Variants in GUCY2C observed in about 807,000 individuals in gnomAD.
GUCY2C encodes the protein guanylate cyclase 2C, also known as guanylyl cyclase C.
GUCY2C carries 118 observed loss-of-function variants against 131.1 expected under a neutral mutation model. That is an observed-to-expected ratio of 0.90 (90% CI 0.78 to 1.05). GUCY2C has a LOEUF of 1.05. Ranked by LOEUF, GUCY2C falls within the 50% of genes least tolerant of loss-of-function variation. The pLI, the probability that GUCY2C is intolerant of heterozygous loss-of-function variation, is 0.00. For missense variants in GUCY2C, 1,161 were observed against 1,304.4 expected (o/e 0.89, Z 1.69); for synonymous variants, 452 against 457.8 (o/e 0.99, Z 0.16).
intron 19 of GUCY2C, among the ~76,000 whole-genome samples, chr12:14,638,209 A>G (rs1947313911): frequency 6.6e-6 from 1 of 152,212 alleles, no homozygotes; most frequent in East Asian, 1.9e-4. Context: ...TAAAAAGCCA[A>G]ATAATAACAG....
At chr12:14,620,850 G>A (rs1946881352) in intron 23 of GUCY2C, among the ~76,000 whole-genome samples, 192 bp downstream of exon 23, 1 of 152,074 alleles carries the variant, frequency 6.6e-6, no homozygotes, top group African/African-American at 2.4e-5. Flanking sequence ...CAAAGGTCTT[G>A]TTCTTAGAGT....
intron 1 of GUCY2C, among the ~76,000 whole-genome samples, chr12:14,691,788 A>C (rs1312533097): frequency 1.3e-5 from 2 of 152,194 alleles, no homozygotes; most frequent in African/African-American, 4.8e-5. Flanking sequence ...GACCTCAGAC[A>C]AGTGACTTCC....
intron 19 of GUCY2C, among the ~76,000 whole-genome samples, chr12:14,637,914 G>C (rs1947307185): frequency 6.6e-6 from 1 of 152,102 alleles, no homozygotes; most frequent in African/African-American, 2.4e-5. Flanking sequence ...CACAGCAAGG[G>C]AAACAACAGA....
At chr12:14,640,041 C>G in intron 18 of GUCY2C, 91 bp from the exon 19 acceptor site, 3 of 848,270 alleles carry the variant, frequency 3.5e-6, no homozygotes, top group Non-Finnish European at 6.0e-6. Flanking sequence ...GATTCACTCC[C>G]CTGGATGGCT....
At chr12:14,691,618 G>A (rs890128961) in intron 1 of GUCY2C, among the ~76,000 whole-genome samples, 2 of 152,100 alleles carry the variant, frequency 1.3e-5, no homozygotes, top group African/African-American at 4.8e-5. Flanking sequence ...TTGACCTCCT[G>A]CCTCTATGAG....
At chr12:14,629,159 C>A (rs1037993317) in intron 19 of GUCY2C, among the ~76,000 whole-genome samples, 2 of 152,046 alleles carry the variant, frequency 1.3e-5, no homozygotes, top group Non-Finnish European at 1.5e-5. Flanking sequence ...TAACAAAAGC[C>A]CACCAAGAGT....
Position 14,687,964 on chromosome 12 carries a change from A to C in GUCY2C, c.317T>G (p.Leu106Arg). Residue 106 changes from leucine to arginine, a missense_variant, in exon 2 of 27, where the codon CTC (leucine) becomes CGC (arginine). By Grantham distance (102) the Leu-to-Arg change is moderately radical. Coordinates refer to ENST00000261170, the MANE Select transcript of GUCY2C (RefSeq NM_004963.4). The part of the protein sequence containing the change: ...RSSTCEGLDL[L>R]RKISNAQRMG... The stretch of plus-strand genomic sequence containing the variant: ...GCAAATACTTACTGAAATTTTCCTG[A>C]GTAGGTCGAGGCCTTCACAGGTGCT... 3 of 1,602,012 alleles carry C rather than the reference A, an allele frequency of 1.9e-6. No individual in the cohort carries two copies. Among genetic ancestry groups the C allele is most frequent in the Non-Finnish European group, 2.6e-6 (3 of 1,168,932 alleles).
intron 15 of GUCY2C, among the ~76,000 whole-genome samples, chr12:14,649,372 T>C (rs1947592714): frequency 6.6e-6 from 1 of 152,180 alleles, no homozygotes; most frequent in African/African-American, 2.4e-5. Context: ...AACGTTGAAG[T>C]TTAGTAACAG....
intron 23 of GUCY2C, 196 bp from the exon 24 acceptor site, chr12:14,619,505 G>A: frequency 2.0e-6 from 1 of 503,972 alleles, no homozygotes; most frequent in Non-Finnish European, 3.5e-6. Context: ...CAATGCATGC[G>A]ATCATAAAGT....
At chr12:14,664,742 G>A (rs1297858710) in intron 10 of GUCY2C, among the ~76,000 whole-genome samples, 2 of 151,952 alleles carry the variant, frequency 1.3e-5, no homozygotes, top group African/African-American at 4.8e-5. Context: ...GATTTAACAG[G>A]GGAAGAAACT....
intron 15 of GUCY2C, among the ~76,000 whole-genome samples, chr12:14,646,401 T>A (rs1451013873): frequency 6.6e-6 from 1 of 152,168 alleles, no homozygotes; most frequent in African/African-American, 2.4e-5. Context: ...CCAGGCCAAG[T>A]TGACAGAGGG....
intron 12 of GUCY2C, among the ~76,000 whole-genome samples, chr12:14,654,811 C>A (rs1947730431): frequency 6.6e-6 from 1 of 152,062 alleles, no homozygotes; most frequent in African/African-American, 2.4e-5. Context: ...CAGAGGTGCA[C>A]ACGCTCCTTC....
At position 14,613,290 on chromosome 12, in the gene GUCY2C, C is replaced by G. The variant is rs760187529; in HGVS notation, c.3049G>C (p.Glu1017Gln). 5 of 1,610,272 alleles carry G rather than the reference C, an allele frequency of 3.1e-6. No individual in the cohort carries two copies. In the African/African-American group the frequency reaches 6.7e-5, roughly 22 times the overall value. Residue 1017 changes from glutamate (E) to glutamine (Q), a missense_variant and splice_region_variant, in exon 27 of 27, where the codon GAG (glutamate) becomes CAG (glutamine). Coordinates refer to ENST00000261170, the MANE Select transcript of GUCY2C (RefSeq NM_004963.4). The surrounding 1 kb of genome is among the most constrained non-coding windows in gnomAD (Gnocchi z 4.9). ...KFNLPTPPTVENQQRLQAEFS... is the reference protein window; with the variant it reads ...KFNLPTPPTVQNQQRLQAEFS... ...TCTGCTTGCAAACGCTGTTGATTCTCCCTGGAAACAGAGTGGGAAGAGAAA... is the reference window on the plus strand; with the variant it reads ...TCTGCTTGCAAACGCTGTTGATTCTGCCTGGAAACAGAGTGGGAAGAGAAA...
intron 12 of GUCY2C, among the ~76,000 whole-genome samples, chr12:14,655,473 T>C (rs1947746593): frequency 6.6e-6 from 1 of 152,132 alleles, no homozygotes; most frequent in Admixed American, 6.5e-5. Context: ...ATGAGGGGAT[T>C]GGAGCCATTA....
At chr12:14,656,425 C>T (rs1206780487) in intron 12 of GUCY2C, 87 bp downstream of exon 12, 2 of 704,938 alleles carry the variant, frequency 2.8e-6, no homozygotes, top group East Asian at 5.0e-5. Context: ...ACTATCCCTA[C>T]TTGGCACATA....
At chr12:14,635,999 A>G (rs893275351) in intron 19 of GUCY2C, among the ~76,000 whole-genome samples, 4 of 152,196 alleles carry the variant, frequency 2.6e-5, no homozygotes, top group Non-Finnish European at 1.5e-5. Context: ...CCAGAACTGG[A>G]TGACTTTACT....
At chr12:14,688,771 G>A (rs1024218070) in intron 1 of GUCY2C, among the ~76,000 whole-genome samples, 3 of 152,226 alleles carry the variant, frequency 2.0e-5, no homozygotes, top group African/African-American at 7.2e-5. Context: ...GCTGGGACCT[G>A]CGTGAAGACT....
rs1947766520 is a variant in GUCY2C at position 14,656,512 on chromosome 12, C to T, written c.1470G>A (p.Lys490=). 1.3e-6 allele frequency: 2 copies of T among 1,518,758 alleles called. No individual in the cohort carries two copies. Among genetic ancestry groups the T allele is most frequent in the Non-Finnish European group, 1.8e-6 (2 of 1,093,972 alleles). The allele number at this position is 1,518,758 out of a possible 1,614,324, so 94.1% of individuals were successfully genotyped here. The change falls in exon 12 of 27, where the codon AAG becomes AAA. Residue 490 remains lysine (K), a splice_region_variant and synonymous_variant. Transcript: ENST00000261170. ...CTTCAACAGGTAAGGTAGGCTTTAC[C>T]TTGAGGCTAACATGATTGGTCTCAT... ...ETNETNHVSL[K]IDDDKRRDTI...
chr12:14,627,942 A>T (rs1054505586), intron 20 of GUCY2C, among the ~76,000 whole-genome samples: 1 of 152,198 alleles, frequency 6.6e-6, no homozygotes, highest in Non-Finnish European at 1.5e-5. Flanking sequence ...AATGAGAACT[A>T]CAGAAAGACC....
Sources: gnomAD v4.1 joint callset for allele counts (sites outside exome capture counted in the v4.1 genomes callset) on GRCh38, gnomAD v4.1.1 for gene constraint, Gnocchi (gnomAD v3.1) non-coding constraint, MANE v1.5 for transcripts, NCBI Gene and HGNC (gene_info 2026-07-23, HGNC 2026-07-21) for gene names.